OR51B5: variants seen among roughly 807,000 people sequenced by gnomAD.
The protein encoded by OR51B5 is olfactory receptor 51B5.
For synonymous variants in OR51B5, 186 were observed against 144.8 expected (o/e 1.28, Z -2.04); for missense variants, 456 against 374.6 (o/e 1.22, Z -1.79).
rs141971612 is a variant in OR51B5 at position 5,488,919 on chromosome 11, C to A, written n.84+16650G>T. 1.9e-6 allele frequency: 3 copies of A among 1,613,962 alleles called. No homozygotes were observed. In the African/African-American group the frequency reaches 4.0e-5, roughly 22 times the overall value. ...ACCTCTTCCTCTGCCTTCTCTCACT[C>A]ACAGACCTGGCTCTCAGTTCTACCA... On this transcript the variant is annotated intron_variant and non_coding_transcript_variant, in intron 1 of 4. Transcript: ENST00000415970.
chr11:5,343,823 T>C, upstream of OR51B5, among the ~76,000 whole-genome samples: 1 of 152,228 alleles, frequency 6.6e-6, no homozygotes, highest in Admixed American at 6.5e-5. Flanking sequence ...AACTACAACT[T>C]CTAAACTGTT....
In OR51B5 at chr11:5,377,061, A is replaced by G. The variant is rs916718183; in HGVS notation, n.85-30151T>C. ...ATGAACATCGATGCAAAAATCCTCA[A>G]TAAAATACTGGCAAACCGAATCCAG... On this transcript the variant is annotated intron_variant and non_coding_transcript_variant, in intron 1 of 4. Transcript: ENST00000415970. 6.1e-4 allele frequency among the ~76,000 whole-genome samples: 93 copies of G among 152,222 alleles called. 1 individual carries two copies. The highest frequency in any genetic ancestry group is 3.9e-4 in the Admixed American group (6 of 15,282).
At position 5,444,976 on chromosome 11, in the gene OR51B5, C is replaced by G. The variant is rs180906502; in HGVS notation, n.84+60593G>C. On this transcript the variant is annotated intron_variant and non_coding_transcript_variant, in intron 1 of 4. Coordinates refer to the OR51B5 transcript ENST00000415970. ...CTCCTGAGACCTTCACAGATACCCC[C>G]TTAGACCTATTTAACTATTTATTTA... Among the ~76,000 whole-genome samples the G allele has an allele frequency of 3.3e-4, 50 of 152,278 alleles. No homozygotes were observed. The East Asian group carries it at 9.1e-3, about 28-fold the overall frequency.
At chr11:5,461,185 G>C (rs1851044230) in intron 1 of OR51B5, among the ~76,000 whole-genome samples, 1 of 152,176 alleles carries the variant, frequency 6.6e-6, no homozygotes, top group African/African-American at 2.4e-5. Context: ...GGGATGACTG[G>C]GGTCCCCAGT....
chr11:5,377,838 C>T (rs1016501613), intron 1 of OR51B5, among the ~76,000 whole-genome samples: 4 of 152,224 alleles, frequency 2.6e-5, no homozygotes, highest in East Asian at 3.9e-4. Flanking sequence ...AAGAACATTC[C>T]ATGCTTATGG....
chr11:5,408,093 ACT>A (rs10564838), intron 1 of OR51B5, among the ~76,000 whole-genome samples: 54,119 of 151,438 alleles, frequency 0.36, 9,762 homozygotes, highest in South Asian at 0.42. Flanking sequence ...ATCTTACATC[ACT>A]CTTTTTCTCT....
chr11:5,404,103 C>G (rs994022974), intron 1 of OR51B5, among the ~76,000 whole-genome samples: 1 of 143,436 alleles, frequency 7.0e-6, no homozygotes, highest in Non-Finnish European at 1.5e-5. Flanking sequence ...TGGGATTCTC[C>G]CATCCAGGTT....
At chr11:5,419,954 A>C (rs182236112) in intron 1 of OR51B5, among the ~76,000 whole-genome samples, 2 of 151,594 alleles carry the variant, frequency 1.3e-5, no homozygotes, top group African/African-American at 4.8e-5. Context: ...ATTAGAGCTT[A>C]TGTTTCTATT....
chr11:5,417,846 C>T (rs1850266291), intron 1 of OR51B5, among the ~76,000 whole-genome samples: 1 of 45,948 alleles, frequency 2.2e-5, no homozygotes, highest in African/African-American at 4.4e-5. Context: ...CTAGTTCAAC[C>T]ATTGTGGCGA....
In OR51B5 at chr11:5,404,299, G is replaced by A. The variant is rs184811412; in HGVS notation, n.85-57389C>T. On this transcript the variant is annotated intron_variant and non_coding_transcript_variant, in intron 1 of 4. Coordinates refer to the OR51B5 transcript ENST00000415970. The stretch of plus-strand genomic sequence containing the variant: ...ATCAGCACTCTGTGTCTAGCTAATC[G>A]GGTGGGGACTTGGAGAACTTTTCTG... Among the ~76,000 whole-genome samples, 381 of 152,134 alleles carry A rather than the reference G, an allele frequency of 2.5e-3. 2 individuals carry two copies. Among genetic ancestry groups the A allele is most frequent in the Middle Eastern group, 0.024 (7 of 294 alleles).
At chr11:5,432,196 G>C (rs1038766914) in intron 1 of OR51B5, among the ~76,000 whole-genome samples, 1 of 152,064 alleles carries the variant, frequency 6.6e-6, no homozygotes, top group African/African-American at 2.4e-5. Flanking sequence ...TCCACCCTCT[G>C]GTGATTATCA....
At chr11:5,449,651 T>G (rs1200676981) in intron 1 of OR51B5, among the ~76,000 whole-genome samples, 1 of 152,150 alleles carries the variant, frequency 6.6e-6, no homozygotes, top group Non-Finnish European at 1.5e-5. Flanking sequence ...AAGGTCAAAG[T>G]TTCTGTGGCT....
intron 1 of OR51B5, among the ~76,000 whole-genome samples, chr11:5,371,875 G>C (rs915175002): frequency 1.3e-5 from 2 of 151,994 alleles, no homozygotes; most frequent in Non-Finnish European, 2.9e-5. Context: ...ACAGCTGCAA[G>C]TTTATAACCT....
intron 1 of OR51B5, chr11:5,441,177 T>C (rs766969914): frequency 6.2e-7 from 1 of 1,613,918 alleles, no homozygotes; most frequent in Non-Finnish European, 8.5e-7. Context: ...TATGCCTGAC[T>C]CCATGAAGGA....
chr11:5,480,669 AG>A (rs1851404153), intron 1 of OR51B5, among the ~76,000 whole-genome samples: 2 of 151,710 alleles, frequency 1.3e-5, no homozygotes, highest in Admixed American at 1.3e-4. Context: ...AAAATGATAA[AG>A]GGGATATCAC....
chr11:5,351,936 T>C (rs753773386), intron 1 of OR51B5: 14 of 1,612,924 alleles, frequency 8.7e-6, no homozygotes, highest in Non-Finnish European at 1.2e-5. Flanking sequence ...TGAAGATTGG[T>C]GTGCGGGTAT....
At chr11:5,428,056 G>A (rs901920789) in intron 1 of OR51B5, among the ~76,000 whole-genome samples, 1 of 151,916 alleles carries the variant, frequency 6.6e-6, no homozygotes, top group African/African-American at 2.4e-5. Flanking sequence ...AACATTATGT[G>A]TTTAGATTTT....
chr11:5,366,296 G>T (rs767748438), intron 1 of OR51B5, among the ~76,000 whole-genome samples: 1 of 151,984 alleles, frequency 6.6e-6, no homozygotes, highest in Admixed American at 6.6e-5. Flanking sequence ...TCAAGGGAAG[G>T]TTCCTCTGTG....
At chr11:5,387,709 A>C (rs1259011612) in intron 1 of OR51B5, among the ~76,000 whole-genome samples, 1 of 123,860 alleles carries the variant, frequency 8.1e-6, no homozygotes, top group Admixed American at 8.8e-5. Flanking sequence ...AGGAACTTTC[A>C]CTTGTTCTTC....
Sources: allele counts gnomAD v4.1 joint callset (sites outside exome capture counted in the v4.1 genomes callset), GRCh38; gene constraint gnomAD v4.1.1; transcripts MANE v1.5; gene names NCBI Gene and HGNC (gene_info 2026-07-23, HGNC 2026-07-21).